The following KLRD1 variants were observed in gnomAD, a reference collection of about 807,000 sequenced individuals.
KLRD1 encodes the protein natural killer cells antigen CD94.
In KLRD1, 21 loss-of-function variants were observed where a neutral mutation model predicts 22.6. The ratio of observed to expected loss-of-function variants is 0.93; its 90% CI spans 0.66 to 1.34. KLRD1 has a LOEUF of 1.34. KLRD1 is among the 40% of genes most tolerant of loss of function. The probability of loss-of-function intolerance (pLI) is 0.00; values close to 1 mark genes in which losing one functional copy is unlikely to be tolerated. For missense variants in KLRD1, 183 were observed against 208.6 expected (o/e 0.88, Z 0.76); for synonymous variants, 59 against 71.1 (o/e 0.83, Z 0.85).
chr12:10,257,299 ATTTCTTTATTT>A (rs1460740830), intron 1 of KLRD1, among the ~76,000 whole-genome samples: 2 of 150,610 alleles, frequency 1.3e-5, no homozygotes, highest in Non-Finnish European at 3.0e-5. Context: ...AATTTGGCAA[ATTTCTTTATTT>A]TTTAAATACT....
intron 1 of KLRD1, among the ~76,000 whole-genome samples, chr12:10,240,382 C>G (rs1006871659): frequency 5.4e-5 from 8 of 148,882 alleles, no homozygotes; most frequent in African/African-American, 2.0e-4. Context: ...TTCTACATGC[C>G]TTTTTTTTTT....
intron 1 of KLRD1, among the ~76,000 whole-genome samples, chr12:10,269,891 A>G (rs1032355591): frequency 1.3e-5 from 2 of 152,188 alleles, no homozygotes; most frequent in Non-Finnish European, 2.9e-5. Flanking sequence ...AGCAATATGC[A>G]GATTCAGTTT....
intron 1 of KLRD1, among the ~76,000 whole-genome samples, chr12:10,266,602 ATTC>A (rs1949501099): frequency 6.6e-6 from 1 of 151,642 alleles, no homozygotes; most frequent in African/African-American, 2.4e-5. Flanking sequence ...TAGTTTTTAT[ATTC>A]TTAAAAAAAT....
At chr12:10,255,384 G>A (rs990778509) in intron 1 of KLRD1, among the ~76,000 whole-genome samples, 24 of 152,122 alleles carry the variant, frequency 1.6e-4, no homozygotes, top group African/African-American at 2.4e-4. Flanking sequence ...TTTGGCTGGC[G>A]TTGGGTTTAA....
intron 1 of KLRD1, among the ~76,000 whole-genome samples, chr12:10,244,330 C>T (rs780787128): frequency 1.3e-5 from 2 of 152,110 alleles, no homozygotes; most frequent in Non-Finnish European, 2.9e-5. Flanking sequence ...TCAAATCAGT[C>T]GCTACCCACC....
chr12:10,250,212 T>C (rs1399545181), intron 1 of KLRD1, among the ~76,000 whole-genome samples: 1 of 24,488 alleles, frequency 4.1e-5, no homozygotes, highest in African/African-American at 8.1e-5. Flanking sequence ...TTTTTTTTTT[T>C]TTTTTTTTTT....
At chr12:10,285,061 G>T (rs1352449893) in intron 1 of KLRD1, among the ~76,000 whole-genome samples, 1 of 152,166 alleles carries the variant, frequency 6.6e-6, no homozygotes, top group Non-Finnish European at 1.5e-5. Context: ...TATGGTGAGA[G>T]AACTATATAT....
intron 5 of KLRD1, 65 bp downstream of exon 5, chr12:10,313,578 A>G: frequency 2.3e-6 from 2 of 886,144 alleles, no homozygotes; most frequent in Non-Finnish European, 3.6e-6. Context: ...GTGACTAGTA[A>G]AGGTAACATC....
intron 1 of KLRD1, among the ~76,000 whole-genome samples, chr12:10,295,500 C>A (rs541971598): frequency 3.7e-5 from 1 of 27,324 alleles, no homozygotes; most frequent in South Asian, 1.7e-3. Context: ...CCAGGTATCC[C>A]ATTTTTTTTT....
intron 1 of KLRD1, among the ~76,000 whole-genome samples, chr12:10,256,854 T>C (rs1185702601): frequency 1.3e-5 from 2 of 152,046 alleles, no homozygotes; most frequent in Non-Finnish European, 2.9e-5. Flanking sequence ...TTTTACTCTA[T>C]AGAACTCTCT....
chr12:10,281,409 T>C (rs1273120270), intron 1 of KLRD1, among the ~76,000 whole-genome samples: 1 of 152,184 alleles, frequency 6.6e-6, no homozygotes, highest in Non-Finnish European at 1.5e-5. Context: ...AGCAATAGTA[T>C]ACTAAGACAG....
In KLRD1 at chr12:10,275,406, C is replaced by G. The variant is rs1249876986; in HGVS notation, c.-100-32572C>G. 2.0e-5 allele frequency among the ~76,000 whole-genome samples: 3 copies of G among 152,118 alleles called. No homozygotes were observed. The East Asian group carries it at 5.8e-4, about 29-fold the overall frequency. On this transcript the variant is annotated intron_variant, in intron 1 of 5. Coordinates refer to the KLRD1 transcript ENST00000544747. ...TCCTGCTAGGTGACAAGAAATATTA[C>G]TAATTTAGACTATTTTAAAATGAAA... is the stretch of plus-strand genomic sequence containing the variant.
At chr12:10,293,177 C>CACAT (rs1949792751) in intron 1 of KLRD1, among the ~76,000 whole-genome samples, 1 of 5,650 alleles carries the variant, frequency 1.8e-4, no homozygotes, top group African/African-American at 3.6e-4. Context: ...TACACATATA[C>CACAT]ACATAATTCG....
intron 1 of KLRD1, among the ~76,000 whole-genome samples, chr12:10,265,527 C>T (rs887595029): frequency 5.9e-5 from 9 of 152,142 alleles, no homozygotes; most frequent in South Asian, 2.1e-4. Flanking sequence ...GAGGCCGATG[C>T]GGGTGGATCA....
chr12:10,311,000 TCTCC>T (rs1950054085), intron 3 of KLRD1, among the ~76,000 whole-genome samples: 2 of 152,156 alleles, frequency 1.3e-5, no homozygotes, highest in African/African-American at 4.8e-5. Context: ...ATATCAAAAT[TCTCC>T]AAATGTACCA....
Position 10,264,840 on chromosome 12 carries a change from G to A in KLRD1, c.-101+38607G>A, listed in dbSNP as rs78189422. 3.9e-3 allele frequency among the ~76,000 whole-genome samples: 594 copies of A among 151,860 alleles called. 7 individuals are homozygous for A. In the East Asian group the frequency reaches 0.045, roughly 11 times the overall value. ...AACTGAAAGTTTGTATCCTTTGACC[G>A]ATATCTCTCCATTTCTTCTACTGCC... On this transcript the variant is annotated intron_variant, in intron 1 of 5. Coordinates refer to the KLRD1 transcript ENST00000544747.
chr12:10,284,021 C>CAAA lies in KLRD1; in HGVS notation c.-100-23942_-100-23940dup, dbSNP rs10706142. Among the ~76,000 whole-genome samples the CAAA allele has an allele frequency of 8.7e-4, 112 of 129,360 alleles. 1 individual carries two copies. In the East Asian group the frequency reaches 0.012, roughly 13 times the overall value. 84.9% of individuals were successfully genotyped at this position (129,360 alleles called of 152,430 possible). On this transcript the variant is annotated intron_variant, in intron 1 of 5. Coordinates refer to the KLRD1 transcript ENST00000544747. The stretch of plus-strand genomic sequence containing the variant: ...TGAAATCTCATCTCTATTAAAAATA[C>CAAA]AAAAAAAAAAAAAAAAATAGCTGGG...
chr12:10,272,601 T>A (rs1303258968), intron 1 of KLRD1, among the ~76,000 whole-genome samples: 2 of 152,182 alleles, frequency 1.3e-5, no homozygotes, highest in African/African-American at 4.8e-5. Flanking sequence ...TGGACAGTGC[T>A]GATGTCTCTG....
chr12:10,265,846 T>G (rs182470446), intron 1 of KLRD1, among the ~76,000 whole-genome samples: 1 of 152,372 alleles, frequency 6.6e-6, no homozygotes, highest in Admixed American at 6.5e-5. Context: ...TACAGCTTCT[T>G]CATTTATGGA....
Sources: allele counts gnomAD v4.1 joint callset (sites outside exome capture counted in the v4.1 genomes callset), GRCh38; gene constraint gnomAD v4.1.1; transcripts MANE v1.5; gene names NCBI Gene and HGNC (gene_info 2026-07-23, HGNC 2026-07-21).